Variants in PDE1C observed in about 807,000 individuals in gnomAD.
The protein encoded by PDE1C is phosphodiesterase 1C, also known as dual specificity calcium/calmodulin-dependent 3',5'-cyclic nucleotide phosphodiesterase 1C.
In PDE1C, 62 loss-of-function variants were observed where a neutral mutation model predicts 93.1. The observed-to-expected ratio is 0.67, with a 90% CI of 0.54 to 0.82. The LOEUF (loss-of-function observed/expected upper bound fraction) is 0.82, where lower values mean the gene tolerates loss of function less well. PDE1C is among the 40% of genes least tolerant of loss of function. The pLI, the probability that PDE1C is intolerant of heterozygous loss-of-function variation, is 0.00. For synonymous variants in PDE1C, 325 were observed against 310.1 expected, an observed-to-expected ratio of 1.05 and a Z score of -0.50; for missense variants, 742 against 884.6, an observed-to-expected ratio of 0.84 and a Z score of 2.04.
intron 2 of PDE1C, among the ~76,000 whole-genome samples, chr7:31,960,936 T>C (rs1808850643): frequency 6.6e-6 from 1 of 152,144 alleles, no homozygotes; most frequent in African/African-American, 2.4e-5. Context: ...CTCCTGTTCA[T>C]GCATTTCCCA....
chr7:32,198,471 T>C (rs141260019), intron 2 of PDE1C, among the ~76,000 whole-genome samples: 9 of 152,352 alleles, frequency 5.9e-5, no homozygotes, highest in African/African-American at 2.2e-4. Context: ...TTTATATCTC[T>C]GTTGAGTGAG....
At chr7:31,869,020 C>A (rs565911084) in intron 6 of PDE1C, among the ~76,000 whole-genome samples, 1 of 152,054 alleles carries the variant, frequency 6.6e-6, no homozygotes, top group Non-Finnish European at 1.5e-5. Context: ...ATTACTTGAC[C>A]AGACCTACAG....
At chr7:31,692,487 A>T in the PDE1C span, 2 of 1,611,550 alleles carry the variant, frequency 1.2e-6, no homozygotes, top group African/African-American at 2.7e-5. Context: ...CTCAGAAGAC[A>T]GACTGGACAA....
At chr7:31,914,820 A>G (rs750065536) in intron 2 of PDE1C, among the ~76,000 whole-genome samples, 9 of 152,222 alleles carry the variant, frequency 5.9e-5, no homozygotes, top group Non-Finnish European at 1.0e-4. Context: ...TGTTTGGAAG[A>G]GAAGACTCCA....
At chr7:32,391,348 T>C (rs1784745405) in intron 1 of PDE1C, among the ~76,000 whole-genome samples, 1 of 151,950 alleles carries the variant, frequency 6.6e-6, no homozygotes, top group East Asian at 1.9e-4. Flanking sequence ...CCAATACACA[T>C]GAAGCAAAAA....
chr7:32,280,060 T>C (rs567026374), intron 1 of PDE1C, among the ~76,000 whole-genome samples: 15 of 152,124 alleles, frequency 9.9e-5, no homozygotes, highest in African/African-American at 3.6e-4. Flanking sequence ...CCCAATAGAA[T>C]ATATAAAAGG....
intron 1 of PDE1C, among the ~76,000 whole-genome samples, chr7:32,337,701 C>T (rs1562680383): frequency 7.0e-6 from 1 of 142,280 alleles, no homozygotes; most frequent in Non-Finnish European, 1.5e-5. Context: ...AGATCCCTTA[C>T]AAAGAGGAGA....
At chr7:32,235,986 T>C (rs6951340) in intron 1 of PDE1C, among the ~76,000 whole-genome samples, 16,012 of 152,032 alleles carry the variant, frequency 0.11, 901 homozygotes, top group East Asian at 0.13. Context: ...GAAAAAGACT[T>C]ACACAAATAT....
intron 3 of PDE1C, among the ~76,000 whole-genome samples, chr7:32,126,870 C>G (rs1799610844): frequency 6.6e-6 from 1 of 152,064 alleles, no homozygotes; most frequent in Non-Finnish European, 1.5e-5. Context: ...ATAATTGAGG[C>G]AATGTGACAG....
intron 1 of PDE1C, among the ~76,000 whole-genome samples, chr7:32,215,435 C>T (rs1026203277): frequency 2.6e-5 from 4 of 152,166 alleles, no homozygotes; most frequent in African/African-American, 4.8e-5. Context: ...CTTGGGTACA[C>T]TAATGTCTGA....
intron 3 of PDE1C, among the ~76,000 whole-genome samples, chr7:32,087,515 G>T (rs1319606667): frequency 1.3e-5 from 2 of 152,020 alleles, no homozygotes; most frequent in Admixed American, 1.3e-4. Context: ...ATACCCAAAG[G>T]ACTATAAATC....
chr7:31,803,908 T>C (rs1786433968), intron 16 of PDE1C, among the ~76,000 whole-genome samples: 1 of 152,032 alleles, frequency 6.6e-6, no homozygotes, highest in Non-Finnish European at 1.5e-5. Context: ...TTTGGGTATA[T>C]ACCCAGTAAT....
At chr7:31,652,169 A>C in the PDE1C span, 3 of 795,566 alleles carry the variant, frequency 3.8e-6, no homozygotes, top group Non-Finnish European at 6.2e-6. Flanking sequence ...CAACACCTTC[A>C]TTTTAAGTAT....
chr7:32,022,139 A>G (rs544640544), intron 2 of PDE1C, among the ~76,000 whole-genome samples: 36 of 152,138 alleles, frequency 2.4e-4, no homozygotes, highest in African/African-American at 8.4e-4. Flanking sequence ...ATGAGAGAAA[A>G]AAATGAACAG....
intron 16 of PDE1C, among the ~76,000 whole-genome samples, chr7:31,783,252 T>A (rs1783575784): frequency 6.6e-6 from 1 of 152,210 alleles, no homozygotes; most frequent in South Asian, 2.1e-4. Flanking sequence ...CTGAGATTTC[T>A]TATGCCTCTG....
intron 1 of PDE1C, among the ~76,000 whole-genome samples, chr7:32,212,643 C>CCTGGCT (rs1806130363): frequency 6.6e-6 from 1 of 152,186 alleles, no homozygotes; most frequent in African/African-American, 2.4e-5. Flanking sequence ...ACTCTTCCTG[C>CCTGGCT]CTGGCTCTGG....
intron 9 of PDE1C, 140 bp from the exon 10 acceptor site, chr7:31,838,111 G>A (rs1463340766): frequency 1.9e-5 from 12 of 636,772 alleles, no homozygotes; most frequent in Non-Finnish European, 3.4e-5. Context: ...TTTAAGGTGA[G>A]CTTTTCAAAT....
intron 1 of PDE1C, among the ~76,000 whole-genome samples, chr7:32,268,953 T>G (rs1810786834): frequency 6.6e-6 from 1 of 152,204 alleles, no homozygotes; most frequent in African/African-American, 2.4e-5. Flanking sequence ...TTAGTTCTTC[T>G]AATACAGAAG....
chr7:31,989,605 T>G (rs904608047), intron 2 of PDE1C, among the ~76,000 whole-genome samples: 25 of 152,228 alleles, frequency 1.6e-4, no homozygotes, highest in African/African-American at 5.6e-4. Flanking sequence ...TACACTTGGG[T>G]GTCTCTGCTA....
Sources: allele counts gnomAD v4.1 joint callset (sites outside exome capture counted in the v4.1 genomes callset), GRCh38; gene constraint gnomAD v4.1.1; transcripts MANE v1.5; gene names NCBI Gene and HGNC (gene_info 2026-07-23, HGNC 2026-07-21).